Variants in USP16 observed in about 807,000 individuals in gnomAD.
The protein encoded by USP16 is ubiquitin carboxyl-terminal hydrolase 16.
USP16 carries 77 observed loss-of-function variants against 95.9 expected under a neutral mutation model. That is an observed-to-expected ratio of 0.80 (90% CI 0.67 to 0.97). The LOEUF (loss-of-function observed/expected upper bound fraction) is 0.97. Among genes scored for constraint, USP16 ranks in the 50% least tolerant of loss-of-function variants. The pLI is 0.00. For synonymous variants in USP16, 303 were observed against 318.2 expected, an observed-to-expected ratio of 0.95 and a Z score of 0.51; for missense variants, 943 against 959.9, an observed-to-expected ratio of 0.98 and a Z score of 0.23.
rs1017915136 is a variant in USP16 at position 29,028,092 on chromosome 21, TTG to T, written c.61+120_61+121del. On this transcript the variant is annotated intron_variant, in intron 2 of 17. Coordinates refer to ENST00000399976, the MANE Select transcript of USP16 (RefSeq NM_006447.3). Reference sequence around the variant, plus strand: ...TATTATCTGCATTTTAATATAATGTTTGTATCTATATGTCATTTAATAGTCTT... The same window carrying T: ...TATTATCTGCATTTTAATATAATGTTTATCTATATGTCATTTAATAGTCTT... 2.5e-5 allele frequency: 20 copies of T among 793,334 alleles called. No homozygotes were observed. The African/African-American group carries it at 3.5e-4, about 14-fold the overall frequency. The allele number at this position is 793,334 out of a possible 1,614,324, so 49.1% of individuals were successfully genotyped here.
chr21:29,033,389 T>C (rs2085105763), intron 3 of USP16, among the ~76,000 whole-genome samples: 1 of 152,252 alleles, frequency 6.6e-6, no homozygotes, highest in South Asian at 2.1e-4. Flanking sequence ...GGATCATAGT[T>C]AAGGAATTAG....
At chr21:29,038,548 G>C in intron 7 of USP16, 118 bp downstream of exon 7, 1 of 806,516 alleles carries the variant, frequency 1.2e-6, no homozygotes, top group Non-Finnish European at 2.0e-6. Context: ...TTTACTTTAG[G>C]CTACTAACTT....
Position 29,039,615 on chromosome 21 carries a change from C to G in USP16, c.951+47C>G, listed in dbSNP as rs757195021. The G allele has an allele frequency of 3.9e-6, 6 of 1,545,106 alleles. No homozygotes were observed. The East Asian group carries it at 9.1e-5, about 23-fold the overall frequency. Reference sequence around the variant, plus strand: ...TATTTTATGATCTTATCTTCATAAGCTTTCTGTCTCATTTGATATCTTACG... The same window carrying G: ...TATTTTATGATCTTATCTTCATAAGGTTTCTGTCTCATTTGATATCTTACG... On this transcript the variant is annotated intron_variant, in intron 9 of 17. Transcript: ENST00000399976.
intron 1 of USP16, chr21:29,025,873 T>C (rs1414524280): frequency 3.8e-6 from 1 of 263,232 alleles, no homozygotes; most frequent in African/African-American, 2.3e-5. Flanking sequence ...AAACTGTGCT[T>C]GAAACCATTT....
Position 29,042,102 on chromosome 21 carries a change from A to T in USP16, c.1120A>T (p.Thr374Ser), listed in dbSNP as rs755828805. Residue 374 changes from threonine (T) to serine (S), a missense_variant and splice_region_variant, in exon 11 of 18, where the codon ACT becomes TCT. Coordinates refer to ENST00000399976, the MANE Select transcript of USP16 (RefSeq NM_006447.3). ...TSMIMCDQCR[T>S]VSLVHESFLD... is the part of the protein sequence containing the mutation. ...TATGATCATGTGTGATCAATGCAGAACTGTAAGTAGATGTCATGTATACTG... is the reference window on the plus strand; with the variant it reads ...TATGATCATGTGTGATCAATGCAGATCTGTAAGTAGATGTCATGTATACTG... The T allele has an allele frequency of 6.2e-7, 1 of 1,610,990 alleles. No homozygotes were observed. The highest frequency in any genetic ancestry group is 8.5e-7 in the Non-Finnish European group (1 of 1,178,366).
chr21:29,037,840 C>T (rs1329763266), intron 6 of USP16, among the ~76,000 whole-genome samples: 1 of 151,492 alleles, frequency 6.6e-6, no homozygotes, highest in African/African-American at 2.4e-5. Context: ...CCCCCTTTGG[C>T]CACCCAAAGT....
intron 2 of USP16, 61 bp from the exon 3 acceptor site, chr21:29,030,534 A>ATT: frequency 7.2e-7 from 1 of 1,383,268 alleles, no homozygotes; most frequent in South Asian, 1.9e-5. Context: ...AAGTTTTGAG[A>ATT]TTAACTGAAG....
At chr21:29,037,767 G>A (rs1244801862) in intron 6 of USP16, among the ~76,000 whole-genome samples, 7 of 151,880 alleles carry the variant, frequency 4.6e-5, no homozygotes, top group African/African-American at 1.7e-4. Flanking sequence ...TGTATCTTTT[G>A]TAGAGACAGG....
chr21:29,049,393 G>A (rs1207121319), intron 15 of USP16, among the ~76,000 whole-genome samples: 2 of 152,038 alleles, frequency 1.3e-5, no homozygotes. Context: ...TAATTGGGTG[G>A]GCCTTTATTA....
At chr21:29,040,496 T>A in intron 9 of USP16, 113 bp from the exon 10 acceptor site, 1 of 354,604 alleles carries the variant, frequency 2.8e-6, no homozygotes, top group Non-Finnish European at 5.0e-6. Flanking sequence ...TGGAATTATT[T>A]AGTAAATATG....
Position 29,039,582 on chromosome 21 carries a change from G to A in USP16, c.951+14G>A, listed in dbSNP as rs770285384. The stretch of plus-strand genomic sequence containing the variant: ...GAAGAACACCAAGTTAGCATGTTAT[G>A]ACCATTGTATTTTATGATCTTATCT... On this transcript the variant is annotated intron_variant, in intron 9 of 17. Coordinates refer to ENST00000399976, the MANE Select transcript of USP16 (RefSeq NM_006447.3). 1 of 1,608,106 alleles carries A rather than the reference G, an allele frequency of 6.2e-7. No homozygotes were observed.
intron 14 of USP16, among the ~76,000 whole-genome samples, chr21:29,047,958 A>G (rs971281): frequency 0.21 from 31,732 of 150,126 alleles, 4,468 homozygotes; most frequent in African/African-American, 0.4. Context: ...ATATATATAT[A>G]TGTGTGTGTA....
intron 12 of USP16, chr21:29,042,764 G>T (rs1301446896): frequency 2.4e-6 from 1 of 414,658 alleles, no homozygotes; most frequent in Non-Finnish European, 4.2e-6. Context: ...TAGTTTGATT[G>T]GTTTCCATAC....
Position 29,034,863 on chromosome 21 carries a change from G to T in USP16, c.267G>T (p.Gln89His). 1 of 1,614,092 alleles carries T rather than the reference G, an allele frequency of 6.2e-7. No individual in the cohort carries two copies. Among genetic ancestry groups the T allele is most frequent in the Non-Finnish European group, 8.5e-7 (1 of 1,179,986 alleles). Residue 89 changes from glutamine (Q) to histidine (H), a missense_variant, in exon 4 of 18, where the codon CAG (glutamine) becomes CAT (histidine). Coordinates refer to ENST00000399976, the MANE Select transcript of USP16 (RefSeq NM_006447.3). The part of the protein sequence containing the change: ...HQGCGRNSQE[Q>H]HALKHYLTPR... ...GCTGTGGCAGAAATTCTCAGGAGCA[G>T]CATGCCTTGAAGCACTATCTGACGC...
Position 29,039,482 on chromosome 21 carries a change from G to A in USP16, c.865G>A (p.Ala289Thr), listed in dbSNP as rs762294757. 9 of 1,612,642 alleles carry A rather than the reference G, an allele frequency of 5.6e-6. No homozygotes were observed. The highest frequency in any genetic ancestry group is 3.3e-4 in the Middle Eastern group (2 of 6,074). The change falls in exon 9 of 18, where the codon GCA becomes ACA. Residue 289 changes from alanine (A) to threonine (T), a missense_variant and splice_region_variant. Ala to Thr is a moderately conservative substitution (Grantham distance 58). Transcript: ENST00000399976. ...TTCTGTCTTTTTGTTTTTCTCTAGA[G>A]CAGTGCGGTTTAAAGGCTATCAGCA... is the stretch of plus-strand genomic sequence containing the variant. ...KELFSQVCKK[A>T]VRFKGYQQQD... is the part of the protein sequence containing the mutation.
intron 13 of USP16, among the ~76,000 whole-genome samples, chr21:29,044,124 G>A (rs967802293): frequency 2.6e-5 from 4 of 152,060 alleles, no homozygotes; most frequent in African/African-American, 9.7e-5. Context: ...GTAGAGACAG[G>A]GTTTCACCAT....
Position 29,050,174 on chromosome 21 carries a change from G to A in USP16, c.2189G>A (p.Cys730Tyr), listed in dbSNP as rs1217937918. The A allele has an allele frequency of 1.9e-6, 3 of 1,612,726 alleles. No individual in the cohort carries two copies. The highest frequency in any genetic ancestry group is 1.7e-6 in the Non-Finnish European group (2 of 1,179,794). Residue 730 changes from cysteine (C) to tyrosine (Y), a missense_variant, in exon 16 of 18, where the codon TGT becomes TAT. Physicochemically the swap from Cys to Tyr is radical, Grantham distance 194. Transcript: ENST00000399976. The stretch of plus-strand genomic sequence containing the variant: ...TTGGCTCCTTTTTGCACCCTTAAAT[G>A]TAAGGTAAGTCAAAGTGGTCTTTTT... The part of the protein sequence containing the change: ...LDLAPFCTLK[C>Y]KNVAEENTRV...
At chr21:29,038,904 A>G (rs2085202112) in intron 7 of USP16, 122 bp from the exon 8 acceptor site, 2 of 987,268 alleles carry the variant, frequency 2.0e-6, no homozygotes, top group African/African-American at 3.3e-5. Context: ...TGTACATTTT[A>G]AACTTTTAAA....
chr21:29,042,077 TATG>T lies in USP16; in HGVS notation c.1098_1100del (p.Met366del). 6.2e-7 allele frequency: 1 copy of T among 1,613,364 alleles called. No individual in the cohort carries two copies. ...GCATCTTTGGTGGTGAACTAACTAG[TATG>T]ATCATGTGTGATCAATGCAGAACTG... is the stretch of plus-strand genomic sequence containing the variant. On this transcript the variant is annotated inframe_deletion, in exon 11 of 18. Transcript: ENST00000399976.
Sources: gnomAD v4.1 joint callset for allele counts (sites outside exome capture counted in the v4.1 genomes callset) on GRCh38, gnomAD v4.1.1 for gene constraint, MANE v1.5 for transcripts, NCBI Gene and HGNC (gene_info 2026-07-23, HGNC 2026-07-21) for gene names.